SMPD3: variants seen among roughly 807,000 people sequenced by gnomAD.
SMPD3 encodes the protein sphingomyelin phosphodiesterase 3, also known as nSMase-2.
A neutral mutation model predicts 55.7 loss-of-function variants in SMPD3; 21 were observed. The observed-to-expected ratio is 0.38, with a 90% CI of 0.27 to 0.54. The LOEUF is 0.54. SMPD3 is among the 20% of genes least tolerant of loss of function. The pLI is 0.80. For synonymous variants in SMPD3, 457 were observed against 404.3 expected (o/e 1.13, Z -1.56); for missense variants, 842 against 899.6 (o/e 0.94, Z 0.82).
intron 4 of SMPD3, 41 bp from the exon 5 acceptor site, chr16:68,364,947 C>T (rs750669303): frequency 6.2e-7 from 1 of 1,613,184 alleles, no homozygotes; most frequent in East Asian, 2.2e-5. Context: ...TGAAGTTCGC[C>T]CCAGACCCCA....
At chr16:68,394,503 C>T (rs1298859688) in intron 1 of SMPD3, among the ~76,000 whole-genome samples, 2 of 152,062 alleles carry the variant, frequency 1.3e-5, no homozygotes, top group African/African-American at 4.8e-5. Context: ...TATCCAGTTC[C>T]TCTTATTTGT....
chr16:68,437,977 G>T (rs2090536805), intron 1 of SMPD3, among the ~76,000 whole-genome samples: 1 of 152,180 alleles, frequency 6.6e-6, no homozygotes, highest in Non-Finnish European at 1.5e-5. Context: ...GTTTGCACAG[G>T]AGCAGGTGAC....
At chr16:68,411,288 G>A (rs1597654127) in intron 1 of SMPD3, among the ~76,000 whole-genome samples, 1 of 152,224 alleles carries the variant, frequency 6.6e-6, no homozygotes, top group African/African-American at 2.4e-5. Context: ...CTTGGCACTT[G>A]GGTGCTGTTG....
chr16:68,410,687 G>A (rs1720880051), intron 1 of SMPD3, among the ~76,000 whole-genome samples: 1 of 152,152 alleles, frequency 6.6e-6, no homozygotes. Flanking sequence ...CACCATCACG[G>A]ATGGAAATAC....
intron 1 of SMPD3, among the ~76,000 whole-genome samples, chr16:68,403,175 T>C (rs1175448621): frequency 6.6e-6 from 1 of 152,234 alleles, no homozygotes; most frequent in Non-Finnish European, 1.5e-5. Context: ...CCCGTACAAA[T>C]AATGCCTCCT....
intron 1 of SMPD3, among the ~76,000 whole-genome samples, chr16:68,401,017 A>G (rs1008886799): frequency 5.9e-5 from 9 of 152,092 alleles, no homozygotes; most frequent in Non-Finnish European, 1.3e-4. Flanking sequence ...CCCACCCCTC[A>G]CCTTCAGAGC....
At chr16:68,361,866 T>TG in intron 7 of SMPD3, 107 bp from the exon 8 acceptor site, 1 of 681,202 alleles carries the variant, frequency 1.5e-6, no homozygotes, top group Non-Finnish European at 2.3e-6. Context: ...AGCGGGTGGG[T>TG]GGGACCAAAG....
chr16:68,438,262 C>T (rs2090539407), intron 1 of SMPD3, among the ~76,000 whole-genome samples: 1 of 152,226 alleles, frequency 6.6e-6, no homozygotes. Context: ...CGACTTGACA[C>T]AGGCAGGAAT....
intron 1 of SMPD3, among the ~76,000 whole-genome samples, chr16:68,422,687 T>C (rs953438276): frequency 2.6e-5 from 4 of 152,196 alleles, no homozygotes; most frequent in African/African-American, 9.6e-5. Flanking sequence ...CTGAGATGAC[T>C]GCAAATTGCT....
intron 1 of SMPD3, among the ~76,000 whole-genome samples, chr16:68,431,788 G>T (rs113124852): frequency 6.6e-6 from 1 of 152,174 alleles, no homozygotes. Context: ...CAGGCATAGT[G>T]GTGGGCATCT....
intron 5 of SMPD3, chr16:68,364,453 GC>G (rs1273500460): frequency 8.6e-6 from 3 of 350,188 alleles, no homozygotes; most frequent in Middle Eastern, 7.5e-4. Flanking sequence ...AGAGCGCGGC[GC>G]CCCGTTGATG....
chr16:68,372,884 A>G (rs1025783108), intron 2 of SMPD3, among the ~76,000 whole-genome samples: 1 of 152,114 alleles, frequency 6.6e-6, no homozygotes, highest in East Asian at 1.9e-4. Flanking sequence ...GCAGGAAAAA[A>G]CAGCAGAGCA....
intron 1 of SMPD3, among the ~76,000 whole-genome samples, chr16:68,403,995 T>C (rs2090232241): frequency 6.6e-6 from 1 of 152,118 alleles, no homozygotes; most frequent in Non-Finnish European, 1.5e-5. Flanking sequence ...GTGGGCAGGA[T>C]GACAACCCTG....
Position 68,361,698 on chromosome 16 carries a change from C to T in SMPD3, c.1771G>A (p.Gly591Ser). 6.2e-7 allele frequency: 1 copy of T among 1,613,084 alleles called. No individual in the cohort carries two copies. The highest frequency in any genetic ancestry group is 8.5e-7 in the Non-Finnish European group (1 of 1,179,984). ...YLAFPTSKSS[G>S]QKGRKELLKG... ...AGCAGCTCCTTCCGCCCCTTCTGGCCCGAGCTCTTGCTGGTGGGAAACGCC... is the reference window on the plus strand; with the variant it reads ...AGCAGCTCCTTCCGCCCCTTCTGGCTCGAGCTCTTGCTGGTGGGAAACGCC... The change falls in exon 8 of 9, where the codon GGC (glycine) becomes AGC (serine). Residue 591 changes from glycine (G) to serine (S), a missense_variant. Gly to Ser is a moderately conservative substitution (Grantham distance 56, BLOSUM62 0). Around this residue, in one of 2 missense-constraint regions of SMPD3, gnomAD observed 649 missense variants for 643.6 expected, o/e 1.01. Coordinates refer to ENST00000219334, the MANE Select transcript of SMPD3 (RefSeq NM_018667.4).
chr16:68,392,720 G>C (rs1487524383), intron 1 of SMPD3, among the ~76,000 whole-genome samples: 1 of 151,624 alleles, frequency 6.6e-6, no homozygotes, highest in Non-Finnish European at 1.5e-5. Flanking sequence ...AATTAGCCGG[G>C]TATGGTGATG....
Position 68,404,183 on chromosome 16 carries a change from A to AT in SMPD3, c.-268-17525dup, listed in dbSNP as rs549273411. On this transcript the variant is annotated intron_variant, in intron 1 of 8. Coordinates refer to ENST00000219334, the MANE Select transcript of SMPD3 (RefSeq NM_018667.4). The surrounding 1 kb of genome is among the most constrained non-coding windows in gnomAD (Gnocchi z 4.0). ...CAGTGCACACCACCACGCCCAGCTAATTTTTTTTTTTTTTTTTTGAGATGG... is the reference window on the plus strand; with the variant it reads ...CAGTGCACACCACCACGCCCAGCTAATTTTTTTTTTTTTTTTTTTGAGATGG... Among the ~76,000 whole-genome samples, 9,902 of 134,984 alleles carry AT rather than the reference A, an allele frequency of 0.073. 425 individuals carry two copies. Among genetic ancestry groups the AT allele is most frequent in the South Asian group, 0.099 (411 of 4,140 alleles). 88.6% of individuals were successfully genotyped at this position (134,984 alleles called of 152,430 possible).
At chr16:68,375,879 AGCCCTTCCCGCT>A (rs1289991207) in intron 2 of SMPD3, among the ~76,000 whole-genome samples, 2 of 152,216 alleles carry the variant, frequency 1.3e-5, no homozygotes, top group Non-Finnish European at 2.9e-5. Flanking sequence ...CAAGCATGCC[AGCCCTTCCCGCT>A]GCCCTTCCAG....
chr16:68,364,449 C>T (rs747331050), intron 5 of SMPD3: 8 of 339,422 alleles, frequency 2.4e-5, no homozygotes, highest in African/African-American at 4.3e-5. Context: ...AGCAAGAGCG[C>T]GGCGCCCCGT....
chr16:68,394,469 A>T (rs2090138357), intron 1 of SMPD3, among the ~76,000 whole-genome samples: 1 of 151,894 alleles, frequency 6.6e-6, no homozygotes, highest in African/African-American at 2.4e-5. Flanking sequence ...TGTTGTTGTC[A>T]TTTATTTCTT....
Sources: gnomAD v4.1 joint callset for allele counts (sites outside exome capture counted in the v4.1 genomes callset) on GRCh38, gnomAD v4.1.1 for gene constraint, gnomAD v4.1.1 regional missense constraint, Gnocchi (gnomAD v3.1) non-coding constraint, MANE v1.5 for transcripts, NCBI Gene and HGNC (gene_info 2026-07-23, HGNC 2026-07-21) for gene names.